MMP13: variants seen among roughly 807,000 people sequenced by gnomAD.
MMP13 encodes the protein collagenase 3.
In MMP13, 45 loss-of-function variants were observed where a neutral mutation model predicts 52.1. That is an observed-to-expected ratio of 0.86 (90% CI 0.68 to 1.11). The LOEUF (loss-of-function observed/expected upper bound fraction) is 1.11. MMP13 is among the 50% of genes least tolerant of loss of function. MMP13 has a pLI of 0.00. For missense variants in MMP13, 576 were observed against 583.8 expected, an observed-to-expected ratio of 0.99 and a Z score of 0.14; for synonymous variants, 200 against 204.4, an observed-to-expected ratio of 0.98 and a Z score of 0.18.
intron 8 of MMP13, among the ~76,000 whole-genome samples, chr11:102,947,639 A>G (rs561089804): frequency 6.7e-6 from 1 of 150,366 alleles, no homozygotes; most frequent in South Asian, 2.1e-4. Flanking sequence ...CTAAGAAAAG[A>G]ATGTTTGAGA....
intron 8 of MMP13, among the ~76,000 whole-genome samples, chr11:102,946,423 A>G (rs782541216): frequency 5.9e-5 from 9 of 152,250 alleles, no homozygotes; most frequent in Non-Finnish European, 1.2e-4. Flanking sequence ...GATAAGAACC[A>G]CTAAACTACC....
chr11:102,948,127 A>G (rs1591155027), intron 7 of MMP13, 77 bp from the exon 8 acceptor site: 1 of 1,171,298 alleles, frequency 8.5e-7, no homozygotes, highest in East Asian at 2.4e-5. Flanking sequence ...GTGCTTAAAG[A>G]CAGGCCCACT....
At chr11:102,950,312 T>C (rs1412011032) in intron 5 of MMP13, 85 bp from the exon 6 acceptor site, 2 of 1,073,872 alleles carry the variant, frequency 1.9e-6, no homozygotes, top group Non-Finnish European at 2.9e-6. Context: ...GATCTGCTGA[T>C]GGACAGTGGG....
chr11:102,951,982 G>A (rs17860543), intron 5 of MMP13, 30 bp downstream of exon 5: 1 of 1,603,672 alleles, frequency 6.2e-7, no homozygotes, highest in Non-Finnish European at 8.5e-7. Flanking sequence ...TTTTATAACT[G>A]ATCATATTCT....
At chr11:102,947,762 A>T in intron 8 of MMP13, 129 bp downstream of exon 8, 2 of 1,055,566 alleles carry the variant, frequency 1.9e-6, no homozygotes, top group Non-Finnish European at 2.9e-6. Context: ...GAAAGAGCTG[A>T]CATGGAATGA....
At chr11:102,954,099 G>C (rs1355483727) in intron 4 of MMP13, 57 bp downstream of exon 4, 1 of 1,585,304 alleles carries the variant, frequency 6.3e-7, no homozygotes, top group African/African-American at 1.3e-5. Context: ...CTTCATACTA[G>C]TGTGTTCACT....
At position 102,945,637 on chromosome 11, in the gene MMP13, A is replaced by T; in HGVS notation, c.1315+9T>A. Reference sequence around the variant, plus strand: ...TCCTCTTTAAAGTCAGTGCAATGTAACTACTTACCATTTTTCTCATAGACA... The same window carrying T: ...TCCTCTTTAAAGTCAGTGCAATGTATCTACTTACCATTTTTCTCATAGACA... On this transcript the variant is annotated intron_variant, in intron 9 of 9. Transcript: ENST00000260302. 5.9e-6 allele frequency: 9 copies of T among 1,518,492 alleles called. No homozygotes were observed. Among genetic ancestry groups the T allele is most frequent in the Non-Finnish European group, 7.3e-6 (8 of 1,094,140 alleles). The allele number at this position is 1,518,492 out of a possible 1,614,324, so 94.1% of individuals were successfully genotyped here.
In MMP13 at chr11:102,955,504, C is replaced by A. The variant is rs752886848; in HGVS notation, c.121-11G>T. On this transcript the variant is annotated splice_polypyrimidine_tract_variant and intron_variant, in intron 1 of 9. Transcript: ENST00000260302. This position sits in a 1 kb window ranked among gnomAD's most constrained non-coding sequence, Gnocchi z 4.9. ...TGATCTCAGGTAGCGCTAGAAAAGACACCAAAATGAACTGCGTTTAAAAGA... is the reference window on the plus strand; with the variant it reads ...TGATCTCAGGTAGCGCTAGAAAAGAAACCAAAATGAACTGCGTTTAAAAGA... 3.1e-6 allele frequency: 5 copies of A among 1,614,014 alleles called. No individual in the cohort carries two copies. The Admixed American group carries it at 8.3e-5, about 27-fold the overall frequency.
intron 9 of MMP13, 106 bp from the exon 10 acceptor site, chr11:102,944,472 A>G: frequency 1.2e-6 from 1 of 815,600 alleles, no homozygotes; most frequent in South Asian, 1.5e-5. Context: ...TAGGAATTTC[A>G]AACTTTTTCT....
rs914828043 is a variant in MMP13, at chr11:102,952,840, G to A, written c.638-667C>T. Among the ~76,000 whole-genome samples the A allele has an allele frequency of 4.6e-5, 7 of 152,042 alleles. No homozygotes were observed. Among genetic ancestry groups the A allele is most frequent in the Non-Finnish European group, 8.8e-5 (6 of 68,014 alleles). ...TAAGCATTCTGTCTGCCAATTTTGA[G>A]CCTCCTAATGCAGGTATTTCAAACT... On this transcript the variant is annotated intron_variant, in intron 4 of 9. Coordinates refer to ENST00000260302, the MANE Select transcript of MMP13 (RefSeq NM_002427.4). This position sits in a 1 kb window ranked among gnomAD's most constrained non-coding sequence, Gnocchi z 4.3.
At chr11:102,947,575 A>T (rs192889253) in intron 8 of MMP13, among the ~76,000 whole-genome samples, 2 of 152,116 alleles carry the variant, frequency 1.3e-5, no homozygotes, top group African/African-American at 4.8e-5. Flanking sequence ...TCAGTCTCAA[A>T]AAAAAAGAAA....
chr11:102,945,840 T>C, intron 8 of MMP13, 91 bp from the exon 9 acceptor site: 5 of 710,516 alleles, frequency 7.0e-6, no homozygotes, highest in Non-Finnish European at 2.4e-6. Context: ...TCTTTCAAAA[T>C]TGACAAGAAT....
At chr11:102,951,464 T>C (rs1555017307) in intron 5 of MMP13, among the ~76,000 whole-genome samples, 1 of 152,172 alleles carries the variant, frequency 6.6e-6, no homozygotes, top group Non-Finnish European at 1.5e-5. Flanking sequence ...CGAGGAGTTA[T>C]AGTCTGCAAA....
intron 9 of MMP13, among the ~76,000 whole-genome samples, chr11:102,944,785 T>TC (rs1289304628): frequency 6.7e-6 from 1 of 148,388 alleles, no homozygotes; most frequent in Non-Finnish European, 1.5e-5. Context: ...TTTTTTTTTT[T>TC]TTTTTTTGGA....
chr11:102,951,624 A>G (rs782621645), intron 5 of MMP13, among the ~76,000 whole-genome samples: 12 of 152,128 alleles, frequency 7.9e-5, no homozygotes, highest in Non-Finnish European at 1.6e-4. Context: ...TTGCTTAACA[A>G]CAGGGATACA....
chr11:102,944,304 C>A lies in MMP13; in HGVS notation c.1378G>T (p.Val460Phe). The A allele has an allele frequency of 1.2e-6, 2 of 1,613,374 alleles. No individual in the cohort carries two copies. Among genetic ancestry groups the A allele is most frequent in the Non-Finnish European group, 1.7e-6 (2 of 1,179,520 alleles). The part of the protein sequence containing the change: ...FEYSIWSNRI[V>F]RVMPANSILW... Reference sequence around the variant, plus strand: ...ATGGAATTTGCTGGCATGACGCGAACAATACGGTTACTCCAGATGCTGTAT... The same window carrying A: ...ATGGAATTTGCTGGCATGACGCGAAAAATACGGTTACTCCAGATGCTGTAT... Residue 460 changes from valine (V) to phenylalanine (F), a missense_variant, in exon 10 of 10, where the codon GTT becomes TTT. Physicochemically the swap from Val to Phe is conservative, Grantham distance 50. Coordinates refer to ENST00000260302, the MANE Select transcript of MMP13 (RefSeq NM_002427.4).
intron 7 of MMP13, 78 bp downstream of exon 7, chr11:102,948,947 T>G: frequency 6.4e-7 from 1 of 1,566,728 alleles, no homozygotes; most frequent in South Asian, 1.1e-5. Flanking sequence ...AGTGATCATT[T>G]TACTGAATCT....
At position 102,947,926 on chromosome 11, in the gene MMP13, G is replaced by GCCTGTATCCT. The variant is rs1555016836; in HGVS notation, c.1166_1175dup (p.Lys393GlyfsTer17). The stretch of plus-strand genomic sequence containing the variant: ...GGTTTCCTGAGAACAGGAGAGTCTT[G>GCCTGTATCCT]CCTGTATCCTCAAAGTGAACAGCTG... On this transcript the variant is annotated frameshift_variant, in exon 8 of 10. Coordinates refer to ENST00000260302, the MANE Select transcript of MMP13 (RefSeq NM_002427.4). LOFTEE classifies it high-confidence loss of function. 1.9e-6 allele frequency: 3 copies of GCCTGTATCCT among 1,613,790 alleles called. No individual in the cohort carries two copies. The highest frequency in any genetic ancestry group is 2.5e-6 in the Non-Finnish European group (3 of 1,179,906).
chr11:102,947,873 T>TGTC lies in MMP13; in HGVS notation c.1211+17_1211+18insGAC. 1.9e-6 allele frequency: 3 copies of TGTC among 1,613,746 alleles called. No homozygotes were observed. Among genetic ancestry groups the TGTC allele is most frequent in the Non-Finnish European group, 2.5e-6 (3 of 1,179,728 alleles). Reference sequence around the variant, plus strand: ...TGCGGCTATGACACAGATGGGTCAGTACCTACTGCTGCCATACCTCCAGAC... The same window carrying TGTC: ...TGCGGCTATGACACAGATGGGTCAGTGTCACCTACTGCTGCCATACCTCCAGAC... On this transcript the variant is annotated intron_variant, in intron 8 of 9. Transcript: ENST00000260302.
Sources: gnomAD v4.1 joint callset for allele counts (sites outside exome capture counted in the v4.1 genomes callset) on GRCh38, gnomAD v4.1.1 for gene constraint, Gnocchi (gnomAD v3.1) non-coding constraint, MANE v1.5 for transcripts, NCBI Gene and HGNC (gene_info 2026-07-23, HGNC 2026-07-21) for gene names.